The following WDPCP variants were observed in gnomAD, a reference collection of about 807,000 sequenced individuals.
The protein encoded by WDPCP is WD repeat-containing and planar cell polarity effector protein fritz homolog.
In WDPCP, 71 loss-of-function variants were observed where a neutral mutation model predicts 93.1. That is an observed-to-expected ratio of 0.76 (90% confidence interval 0.63 to 0.93). WDPCP has a LOEUF of 0.93. WDPCP is among the 40% of genes least tolerant of loss of function. The pLI is 0.00. For synonymous variants in WDPCP, 315 were observed against 315.0 expected (o/e 1.00, Z 0.00); for missense variants, 844 against 887.4 (o/e 0.95, Z 0.62).
intron 2 of WDPCP, among the ~76,000 whole-genome samples, chr2:63,665,823 A>C (rs1199605496): frequency 1.3e-5 from 2 of 151,922 alleles, no homozygotes; most frequent in Non-Finnish European, 2.9e-5. Flanking sequence ...TCTCTATAGA[A>C]GTTTGATGTG....
At chr2:63,605,122 G>A (rs1352987412) in intron 3 of WDPCP, among the ~76,000 whole-genome samples, 5 of 152,154 alleles carry the variant, frequency 3.3e-5, no homozygotes, top group Admixed American at 3.3e-4. Flanking sequence ...CCTTTTTCCA[G>A]AAGGATTGGT....
intron 15 of WDPCP, among the ~76,000 whole-genome samples, chr2:63,155,340 C>G (rs1003799789): frequency 6.6e-6 from 1 of 152,024 alleles, no homozygotes; most frequent in Non-Finnish European, 1.5e-5. Context: ...CTTTGTGTGT[C>G]TGTGTGTGCA....
intron 2 of WDPCP, among the ~76,000 whole-genome samples, chr2:63,803,645 TATTC>T (rs929883785): frequency 7.9e-5 from 12 of 152,182 alleles, no homozygotes; most frequent in Non-Finnish European, 1.3e-4. Context: ...ATATTACATT[TATTC>T]ATTGTTTCAT....
chr2:63,484,531 C>A, intron 6 of WDPCP, 73 bp downstream of exon 6: 6 of 1,576,516 alleles, frequency 3.8e-6, no homozygotes, highest in Non-Finnish European at 4.4e-6. Context: ...TAACATAACA[C>A]AAGAATACCA....
intron 3 of WDPCP, among the ~76,000 whole-genome samples, chr2:63,648,429 G>C (rs571000881): frequency 6.6e-6 from 1 of 152,098 alleles, no homozygotes; most frequent in East Asian, 1.9e-4. Context: ...TCCTTTTAAA[G>C]TGTATGTCAT....
At chr2:63,657,425 C>G (rs1027246816) in intron 2 of WDPCP, among the ~76,000 whole-genome samples, 5 of 152,052 alleles carry the variant, frequency 3.3e-5, no homozygotes, top group Non-Finnish European at 5.9e-5. Context: ...CCCGGATGGT[C>G]TCGATCTTCT....
intron 14 of WDPCP, among the ~76,000 whole-genome samples, chr2:63,217,370 A>G (rs1677444617): frequency 6.6e-6 from 1 of 152,330 alleles, no homozygotes; most frequent in East Asian, 1.9e-4. Flanking sequence ...CTAAAATACT[A>G]TCTGGCCCTT....
At chr2:63,607,088 G>GA in intron 3 of WDPCP, 1 of 1,186,532 alleles carries the variant, frequency 8.4e-7, no homozygotes, top group Admixed American at 2.5e-5. Flanking sequence ...AATTACTTGT[G>GA]AAAAACAACA....
intron 6 of WDPCP, among the ~76,000 whole-genome samples, chr2:63,455,413 G>GATATATATATATAT (rs59481179): frequency 1.4e-5 from 2 of 140,914 alleles, no homozygotes; most frequent in Non-Finnish European, 3.1e-5. Flanking sequence ...TACTTGTAAA[G>GATATATATATATAT]ATATATATAT....
At chr2:63,647,133 T>TTTG (rs1264105175) in intron 3 of WDPCP, among the ~76,000 whole-genome samples, 2 of 152,012 alleles carry the variant, frequency 1.3e-5, no homozygotes, top group South Asian at 2.1e-4. Context: ...GATCATGCAT[T>TTTG]TTGTTGTTGT....
chr2:63,181,629 T>C (rs1473286140), intron 14 of WDPCP, among the ~76,000 whole-genome samples: 1 of 152,172 alleles, frequency 6.6e-6, no homozygotes, highest in Non-Finnish European at 1.5e-5. Flanking sequence ...GGTAATGTGA[T>C]GCCTCCAGCT....
intron 2 of WDPCP, among the ~76,000 whole-genome samples, chr2:63,789,895 C>G (rs1670521381): frequency 6.6e-6 from 1 of 152,170 alleles, no homozygotes; most frequent in East Asian, 1.9e-4. Flanking sequence ...TTGGAAGTGA[C>G]TGAAGTCTTC....
At chr2:63,376,085 A>G (rs1291389833) in intron 12 of WDPCP, among the ~76,000 whole-genome samples, 2 of 151,992 alleles carry the variant, frequency 1.3e-5, no homozygotes, top group Non-Finnish European at 2.9e-5. Flanking sequence ...TCTTCCCCTG[A>G]GCATGAGAAC....
At chr2:63,635,552 T>C (rs1223637660) in intron 3 of WDPCP, among the ~76,000 whole-genome samples, 3 of 152,064 alleles carry the variant, frequency 2.0e-5, no homozygotes, top group Admixed American at 6.6e-5. Context: ...GATGGTTCAA[T>C]AGACACAAAT....
chr2:63,753,874 A>G (rs1371526453), intron 2 of WDPCP, among the ~76,000 whole-genome samples: 1 of 152,200 alleles, frequency 6.6e-6, no homozygotes, highest in African/African-American at 2.4e-5. Context: ...GTTCAGTTTT[A>G]TGGAAGTAGG....
At chr2:63,772,345 T>TC (rs1670241526) in intron 2 of WDPCP, among the ~76,000 whole-genome samples, 1 of 152,102 alleles carries the variant, frequency 6.6e-6, no homozygotes, top group African/African-American at 2.4e-5. Flanking sequence ...GAGAAGTGTT[T>TC]ATGTCCTTTG....
At position 63,758,361 on chromosome 2, in the gene WDPCP, C is replaced by CA. The variant is rs917474468; in HGVS notation, n.308+55260dup. Among the ~76,000 whole-genome samples the CA allele has an allele frequency of 7.9e-3, 1,159 of 146,516 alleles. 18 individuals are homozygous for CA. The highest frequency in any genetic ancestry group is 0.027 in the African/African-American group (1,080 of 40,162). On this transcript the variant is annotated intron_variant and non_coding_transcript_variant, in intron 2 of 4. Transcript: ENST00000467687. ...TATGAGGGCCTCAATGAAAGTTTAC[C>CA]AAAAAAAAAATGACTGCTTAGCTTT...
intron 2 of WDPCP, among the ~76,000 whole-genome samples, chr2:63,661,252 G>A (rs1342457893): frequency 1.3e-5 from 2 of 152,140 alleles, no homozygotes; most frequent in Admixed American, 1.3e-4. Context: ...CAACTAGGGA[G>A]GATTTACTTC....
At chr2:63,232,064 A>T (rs569114392) in intron 14 of WDPCP, among the ~76,000 whole-genome samples, 3 of 152,226 alleles carry the variant, frequency 2.0e-5, no homozygotes, top group Non-Finnish European at 4.4e-5. Flanking sequence ...AAACCTGACA[A>T]AAACAAGCAA....
Sources: allele counts gnomAD v4.1 joint callset (sites outside exome capture counted in the v4.1 genomes callset), GRCh38; gene constraint gnomAD v4.1.1; transcripts MANE v1.5; gene names NCBI Gene and HGNC (gene_info 2026-07-23, HGNC 2026-07-21).